The following JAKMIP2 variants were observed in gnomAD, a reference collection of about 807,000 sequenced individuals.
JAKMIP2 encodes janus kinase and microtubule interacting protein 2.
Under a neutral mutation model 115.0 loss-of-function variants are expected in JAKMIP2, and 25 were observed. The observed-to-expected ratio is 0.22, with a 90% CI of 0.16 to 0.30. JAKMIP2 has a LOEUF of 0.30. Ranked by LOEUF, JAKMIP2 falls within the 10% of genes least tolerant of loss-of-function variation. JAKMIP2 has a pLI of 1.00. For synonymous variants in JAKMIP2, 334 were observed against 343.6 expected (o/e 0.97, Z 0.31); for missense variants, 642 against 957.6 (o/e 0.67, Z 4.35).
intron 1 of JAKMIP2, among the ~76,000 whole-genome samples, chr5:147,758,854 CA>C (rs1262504487): frequency 6.6e-6 from 1 of 152,094 alleles, no homozygotes; most frequent in East Asian, 1.9e-4. Flanking sequence ...CCCAAGAATG[CA>C]ATTTATTGAA....
Position 147,782,568 on chromosome 5 carries a change from G to T in JAKMIP2, c.-261C>A. ...GAACCCAACATCAGCAGTGGCTGCC[G>T]GTTTTTTTTTTCCCTCTGTCTCTGG... On this transcript the variant is annotated 5_prime_UTR_variant, in exon 1 of 22. Coordinates refer to ENST00000616793, the MANE Select transcript of JAKMIP2 (RefSeq NM_001270941.2). 1 of 1,200,168 alleles carries T rather than the reference G, an allele frequency of 8.3e-7. No individual in the cohort carries two copies. The highest frequency in any genetic ancestry group is 1.3e-5 in the South Asian group (1 of 76,896). 74.3% of individuals were successfully genotyped at this position (1,200,168 alleles called of 1,614,324 possible). A position where few individuals can be genotyped will look rare whatever the true frequency, so the allele number is the denominator to read the frequency against.
At chr5:147,705,589 C>T (rs2126897880) in intron 1 of JAKMIP2, among the ~76,000 whole-genome samples, 1 of 152,054 alleles carries the variant, frequency 6.6e-6, no homozygotes, top group East Asian at 1.9e-4. Context: ...AGTCTGAGGT[C>T]CTGTGTGACT....
intron 21 of JAKMIP2, among the ~76,000 whole-genome samples, chr5:147,593,273 A>C (rs1200277236): frequency 6.6e-6 from 1 of 152,248 alleles, no homozygotes; most frequent in South Asian, 2.1e-4. Flanking sequence ...GGCCTTGGCC[A>C]GACTGGGAAT....
Position 147,650,478 on chromosome 5 carries a change from A to G in JAKMIP2, c.697T>C (p.Tyr233His). Residue 233 changes from tyrosine to histidine, a missense_variant, in exon 4 of 22, where the codon TAT becomes CAT. Physicochemically the swap from Tyr to His is moderately conservative, Grantham distance 83 (BLOSUM62 2). Coordinates refer to ENST00000616793, the MANE Select transcript of JAKMIP2 (RefSeq NM_001270941.2). ...TTCTGAAGTTGGAGTTTCTGTACAT[A>G]GCCTGTCTGGGTCTCCAGTTCCTTT... is the stretch of plus-strand genomic sequence containing the variant. ...LEKELETQTG[Y>H]VQKLQLQKEA... The G allele has an allele frequency of 6.2e-7, 1 of 1,613,900 alleles. No individual in the cohort carries two copies. Among genetic ancestry groups the G allele is most frequent in the Non-Finnish European group, 8.5e-7 (1 of 1,179,876 alleles).
chr5:147,674,713 T>C (rs1477962588), intron 1 of JAKMIP2, among the ~76,000 whole-genome samples: 1 of 152,332 alleles, frequency 6.6e-6, no homozygotes, highest in Non-Finnish European at 1.5e-5. Context: ...TCACAAAGTT[T>C]AGGGAAATAT....
chr5:147,602,232 C>T (rs561929929), intron 20 of JAKMIP2, among the ~76,000 whole-genome samples: 2 of 152,148 alleles, frequency 1.3e-5, no homozygotes, highest in East Asian at 1.9e-4. Context: ...ACGATCAGAA[C>T]ATACACTTAA....
At chr5:147,744,702 T>C (rs1430744793) in intron 1 of JAKMIP2, among the ~76,000 whole-genome samples, 1 of 152,124 alleles carries the variant, frequency 6.6e-6, no homozygotes, top group East Asian at 1.9e-4. Flanking sequence ...AAATGGGTGA[T>C]GGATGTCTTT....
intron 1 of JAKMIP2, among the ~76,000 whole-genome samples, chr5:147,694,529 T>C (rs576377305): frequency 1.3e-5 from 2 of 152,332 alleles, no homozygotes; most frequent in South Asian, 4.1e-4. Flanking sequence ...ATTGATAGGC[T>C]ATGCTTGTCA....
chr5:147,682,494 T>C (rs552861909), intron 1 of JAKMIP2, among the ~76,000 whole-genome samples: 5 of 152,272 alleles, frequency 3.3e-5, no homozygotes, highest in South Asian at 2.1e-4. Flanking sequence ...CATAATCCAG[T>C]ATATATACAG....
At position 147,782,488 on chromosome 5, in the gene JAKMIP2, G is replaced by A. The variant is rs1229439688; in HGVS notation, c.-181C>T. On this transcript the variant is annotated 5_prime_UTR_variant, in exon 1 of 22. Transcript: ENST00000616793. Reference sequence around the variant, plus strand: ...AGACCCGGAGAAGCTGTTTAAAGGAGGGAGAGATGCAAACTGAATCCATTT... The same window carrying A: ...AGACCCGGAGAAGCTGTTTAAAGGAAGGAGAGATGCAAACTGAATCCATTT... The A allele has an allele frequency of 3.3e-6, 5 of 1,535,704 alleles. No individual in the cohort carries two copies. In the Admixed American group the frequency reaches 9.8e-5, roughly 30 times the overall value.
At chr5:147,612,061 G>A (rs2126627848) in intron 20 of JAKMIP2, 1 of 666,312 alleles carries the variant, frequency 1.5e-6, no homozygotes, top group Non-Finnish European at 2.8e-6. Flanking sequence ...GGAAACTAAG[G>A]AAAGAAAACA....
At chr5:147,743,587 G>C (rs1364849502) in intron 1 of JAKMIP2, among the ~76,000 whole-genome samples, 1 of 152,158 alleles carries the variant, frequency 6.6e-6, no homozygotes, top group East Asian at 1.9e-4. Flanking sequence ...ATAATTCACA[G>C]ATAGGCTGCT....
chr5:147,719,643 C>T lies in JAKMIP2; in HGVS notation c.-148-47689G>A, dbSNP rs1055911479. ...CTTTTGATCTTTGTTGGTTTAAAGT[C>T]TGTTTTATCAGAGACTAGGATTGCA... On this transcript the variant is annotated intron_variant, in intron 1 of 21. Coordinates refer to ENST00000616793, the MANE Select transcript of JAKMIP2 (RefSeq NM_001270941.2). Among the ~76,000 whole-genome samples the T allele has an allele frequency of 4.3e-4, 66 of 151,772 alleles. 1 individual carries two copies. The South Asian group carries it at 5.2e-3, about 12-fold the overall frequency.
chr5:147,688,229 C>A (rs1192526845), intron 1 of JAKMIP2, among the ~76,000 whole-genome samples: 1 of 152,158 alleles, frequency 6.6e-6, no homozygotes, highest in African/African-American at 2.4e-5. Flanking sequence ...CATTCATTGT[C>A]ATAATGTTCT....
At position 147,671,792 on chromosome 5, in the gene JAKMIP2, C is replaced by A; in HGVS notation, c.15G>T (p.Gly5=). The A allele has an allele frequency of 6.3e-7, 1 of 1,579,814 alleles. No individual in the cohort carries two copies. The highest frequency in any genetic ancestry group is 1.8e-5 in the Admixed American group (1 of 54,666). The part of the protein sequence containing the change: MSKK[G]RNKGEKPEAL... ...CCTCGGGCTTCTCGCCCTTATTTCG[C>A]CCTTTCTTGGACATTGTTCCTTTCT... is the stretch of plus-strand genomic sequence containing the variant. Residue 5 remains glycine (G), a synonymous_variant, in exon 2 of 22, where the codon GGG becomes GGT. Transcript: ENST00000616793.
At chr5:147,606,239 A>G (rs534667000) in intron 20 of JAKMIP2, among the ~76,000 whole-genome samples, 14 of 152,200 alleles carry the variant, frequency 9.2e-5, no homozygotes, top group African/African-American at 3.1e-4. Context: ...TTGGTGTTTT[A>G]GTCATGAAGT....
chr5:147,767,579 TCA>T (rs1170002481), intron 1 of JAKMIP2, among the ~76,000 whole-genome samples: 2 of 152,110 alleles, frequency 1.3e-5, no homozygotes, highest in African/African-American at 4.8e-5. Context: ...CATTAAGTAC[TCA>T]GTGACCTTTT....
chr5:147,709,071 T>G (rs1416317448), intron 1 of JAKMIP2, among the ~76,000 whole-genome samples: 2 of 152,228 alleles, frequency 1.3e-5, no homozygotes, highest in Non-Finnish European at 2.9e-5. Flanking sequence ...TAAAAGCAAG[T>G]ATTTTGAATA....
At chr5:147,733,612 C>G (rs976381100) in intron 1 of JAKMIP2, among the ~76,000 whole-genome samples, 1 of 152,146 alleles carries the variant, frequency 6.6e-6, no homozygotes, top group Non-Finnish European at 1.5e-5. Context: ...TGTCCCTCCC[C>G]TACTCTCCCA....
Sources: gnomAD v4.1 joint callset for allele counts (sites outside exome capture counted in the v4.1 genomes callset) on GRCh38, gnomAD v4.1.1 for gene constraint, MANE v1.5 for transcripts, NCBI Gene and HGNC (gene_info 2026-07-23, HGNC 2026-07-21) for gene names.